ANXA10: variants seen among roughly 807,000 people sequenced by gnomAD.
The protein encoded by ANXA10 is annexin A10, also known as annexin 14.
In ANXA10, 49 loss-of-function variants were observed where a neutral mutation model predicts 53.5. The ratio of observed to expected loss-of-function variants is 0.92; its 90% CI spans 0.73 to 1.16. The LOEUF (loss-of-function observed/expected upper bound fraction) is 1.16. ANXA10 is among the 50% of genes most tolerant of loss of function. ANXA10 has a pLI of 0.00. For missense variants in ANXA10, 393 were observed against 394.4 expected (o/e 1.00, Z 0.03); for synonymous variants, 131 against 128.9 (o/e 1.02, Z -0.11).
At chr4:168,158,366 A>C (rs1312609132) in intron 3 of ANXA10, among the ~76,000 whole-genome samples, 1 of 152,224 alleles carries the variant, frequency 6.6e-6, no homozygotes, top group Non-Finnish European at 1.5e-5. Flanking sequence ...TGAAGTGACA[A>C]CTGTGGTTCT....
chr4:168,137,489 T>C lies in ANXA10; in HGVS notation c.101-1997T>C, dbSNP rs1173968974. Among the ~76,000 whole-genome samples the C allele has an allele frequency of 2.0e-5, 3 of 152,188 alleles. No homozygotes were observed. The East Asian group carries it at 5.8e-4, about 29-fold the overall frequency. ...TTATCCTACTCAATATGTCCATGTGTACCCTTCGTTTAGCTCCCACCCATC... is the reference window on the plus strand; with the variant it reads ...TTATCCTACTCAATATGTCCATGTGCACCCTTCGTTTAGCTCCCACCCATC... On this transcript the variant is annotated intron_variant, in intron 2 of 11. Transcript: ENST00000359299.
At position 168,185,141 on chromosome 4, in the gene ANXA10, G is replaced by A. The variant is rs113464872; in HGVS notation, c.906+460G>A. ...TGCACTCCAGCCTGGGCAACAGAGT[G>A]AGACTCCATCTCAAAAAAAGAAAAA... On this transcript the variant is annotated intron_variant, in intron 11 of 11. Coordinates refer to ENST00000359299, the MANE Select transcript of ANXA10 (RefSeq NM_007193.5). Among the ~76,000 whole-genome samples the A allele has an allele frequency of 1.7e-3, 259 of 151,820 alleles. 1 individual carries two copies. The highest frequency in any genetic ancestry group is 0.01 in the Middle Eastern group (3 of 294).
chr4:168,106,178 G>C (rs1021945066), intron 1 of ANXA10, among the ~76,000 whole-genome samples: 1 of 152,024 alleles, frequency 6.6e-6, no homozygotes, highest in African/African-American at 2.4e-5. Flanking sequence ...TGGTATCTTT[G>C]TCATGAAATC....
intron 3 of ANXA10, among the ~76,000 whole-genome samples, chr4:168,161,302 T>C (rs1292241900): frequency 1.3e-5 from 2 of 152,196 alleles, no homozygotes; most frequent in East Asian, 3.8e-4. Flanking sequence ...CCCAGCACCA[T>C]TTATTAAATA....
intron 1 of ANXA10, chr4:168,127,879 C>A: frequency 3.4e-6 from 1 of 296,400 alleles, no homozygotes; most frequent in Non-Finnish European, 6.1e-6. Context: ...GGCGCCACAA[C>A]ACCCAGTTAA....
intron 6 of ANXA10, among the ~76,000 whole-genome samples, chr4:168,174,401 G>A (rs1732077376): frequency 6.6e-6 from 1 of 152,156 alleles, no homozygotes; most frequent in African/African-American, 2.4e-5. Context: ...GCCCCACATG[G>A]AGCCCGCACC....
At chr4:168,105,965 A>G (rs1730713979) in intron 1 of ANXA10, among the ~76,000 whole-genome samples, 1 of 151,974 alleles carries the variant, frequency 6.6e-6, no homozygotes. Flanking sequence ...AGTGTTTCAC[A>G]CATACTCCAA....
chr4:168,121,624 A>G (rs2149468483), intron 1 of ANXA10, among the ~76,000 whole-genome samples: 1 of 152,300 alleles, frequency 6.6e-6, no homozygotes, highest in African/African-American at 2.4e-5. Flanking sequence ...TTAGAGCTAA[A>G]AATTGAGAAC....
intron 3 of ANXA10, among the ~76,000 whole-genome samples, chr4:168,150,432 G>T (rs189118762): frequency 6.6e-6 from 1 of 152,156 alleles, no homozygotes; most frequent in African/African-American, 2.4e-5. Flanking sequence ...GAATAACAAG[G>T]TTCATAAATT....
At chr4:168,157,258 C>T (rs780719251) in intron 3 of ANXA10, among the ~76,000 whole-genome samples, 3 of 151,374 alleles carry the variant, frequency 2.0e-5, no homozygotes, top group Non-Finnish European at 4.4e-5. Context: ...AGGTATAGAT[C>T]ATTTCTTTAT....
intron 6 of ANXA10, among the ~76,000 whole-genome samples, chr4:168,170,489 G>A (rs1731962635): frequency 6.6e-6 from 1 of 152,040 alleles, no homozygotes; most frequent in Admixed American, 6.6e-5. Context: ...TAGGCTTTTG[G>A]CTCCTAATAG....
chr4:168,181,757 A>G lies in ANXA10; in HGVS notation c.783+16A>G, dbSNP rs1732251736. The G allele has an allele frequency of 2.0e-6, 3 of 1,505,292 alleles. No individual in the cohort carries two copies. The East Asian group carries it at 6.8e-5, about 34-fold the overall frequency. 93.2% of individuals were successfully genotyped at this position (1,505,292 alleles called of 1,614,324 possible). A position where few individuals can be genotyped will look rare whatever the true frequency, so the allele number is the denominator to read the frequency against. ...TGCAATTCATGTAAGTAAGACATATATTTTTAAAATTTCTCCAGAAATTGT... is the reference window on the plus strand; with the variant it reads ...TGCAATTCATGTAAGTAAGACATATGTTTTTAAAATTTCTCCAGAAATTGT... On this transcript the variant is annotated intron_variant, in intron 10 of 11. Coordinates refer to ENST00000359299, the MANE Select transcript of ANXA10 (RefSeq NM_007193.5).
chr4:168,127,871 C>A lies in ANXA10; in HGVS notation c.19-213C>A, dbSNP rs7670035. 1.7e-4 allele frequency: 55 copies of A among 326,284 alleles called. 1 individual carries two copies. The highest frequency in any genetic ancestry group is 1.4e-3 in the South Asian group (51 of 36,338). 20.2% of individuals were successfully genotyped at this position (326,284 alleles called of 1,614,324 possible). On this transcript the variant is annotated intron_variant, in intron 1 of 11. Transcript: ENST00000359299. ...CCTCCTGAGTAGCTGGGATTACAGG[C>A]GCCACAACACCCAGTTAATTTTTTG...
intron 6 of ANXA10, among the ~76,000 whole-genome samples, chr4:168,169,654 G>A (rs1731945635): frequency 6.6e-6 from 1 of 152,154 alleles, no homozygotes; most frequent in Non-Finnish European, 1.5e-5. Context: ...GTTAAGTGGT[G>A]TACCTGACAT....
At chr4:168,175,594 T>G (rs1732111874) in intron 6 of ANXA10, among the ~76,000 whole-genome samples, 1 of 152,198 alleles carries the variant, frequency 6.6e-6, no homozygotes, top group African/African-American at 2.4e-5. Context: ...AACATTTCCA[T>G]GATTTGAAGA....
intron 1 of ANXA10, among the ~76,000 whole-genome samples, chr4:168,115,537 A>ACACT (rs1491166506): frequency 1.5e-5 from 2 of 133,806 alleles, no homozygotes; most frequent in Non-Finnish European, 3.2e-5. Flanking sequence ...ACACACACAC[A>ACACT]CTCCCCTCTT....
At chr4:168,092,934 C>T (rs1464251488) in intron 1 of ANXA10, among the ~76,000 whole-genome samples, 1 of 151,892 alleles carries the variant, frequency 6.6e-6, no homozygotes. Flanking sequence ...ACTATGATAA[C>T]AAGATTTTTT....
intron 3 of ANXA10, among the ~76,000 whole-genome samples, chr4:168,146,567 C>A (rs1298985827): frequency 1.3e-5 from 2 of 152,130 alleles, no homozygotes; most frequent in East Asian, 3.9e-4. Context: ...ATATGCCCAG[C>A]TTTTGAGGGT....
At chr4:168,156,493 T>TTTTTG (rs938512519) in intron 3 of ANXA10, among the ~76,000 whole-genome samples, 1 of 140,112 alleles carries the variant, frequency 7.1e-6, no homozygotes, top group Non-Finnish European at 1.5e-5. Context: ...TATTTCTTGT[T>TTTTTG]TTTTGTTTTG....
Sources: gnomAD v4.1 joint callset for allele counts (sites outside exome capture counted in the v4.1 genomes callset) on GRCh38, gnomAD v4.1.1 for gene constraint, MANE v1.5 for transcripts, NCBI Gene and HGNC (gene_info 2026-07-23, HGNC 2026-07-21) for gene names.